The following LTBR variants were observed in gnomAD, a reference collection of about 807,000 sequenced individuals.
LTBR encodes the protein lymphotoxin beta receptor, also known as tumor necrosis factor receptor superfamily member 3.
A neutral mutation model predicts 45.4 loss-of-function variants in LTBR; 15 were observed. The observed-to-expected ratio is 0.33, with a 90% confidence interval of 0.22 to 0.51. The LOEUF (loss-of-function observed/expected upper bound fraction) is 0.51, where lower values mean the gene tolerates loss of function less well. Among genes scored for constraint, LTBR ranks in the 20% least tolerant of loss-of-function variants. The pLI, the probability that LTBR is intolerant of heterozygous loss-of-function variation, is 0.97. For missense variants in LTBR, 450 were observed against 565.5 expected (o/e 0.80, Z 2.07); for synonymous variants, 228 against 231.0 (o/e 0.99, Z 0.12).
upstream of LTBR, among the ~76,000 whole-genome samples, chr12:6,381,264 G>T (rs1272832636): frequency 1.3e-5 from 2 of 152,188 alleles, no homozygotes; most frequent in Admixed American, 1.3e-4. Context: ...GAGCCATTTG[G>T]CAGGAACTAA....
chr12:6,390,688 G>A lies in LTBR; in HGVS notation c.1059G>A (p.Gly353=). 1 of 1,499,100 alleles carries A rather than the reference G, an allele frequency of 6.7e-7. No individual in the cohort carries two copies. The highest frequency in any genetic ancestry group is 8.9e-7 in the Non-Finnish European group (1 of 1,124,554). The allele number at this position is 1,499,100 out of a possible 1,614,324, so 92.9% of individuals were successfully genotyped here. Reference sequence around the variant, plus strand: ...CCAATGGCATTCATGTCACCGGCGGGTCTATGACTATCACTGGCAACATCT... The same window carrying A: ...CCAATGGCATTCATGTCACCGGCGGATCTATGACTATCACTGGCAACATCT... ...HGTNGIHVTG[G]SMTITGNIYI... is the part of the protein sequence containing the mutation. Residue 353 remains glycine (G), a synonymous_variant, in exon 10 of 10, where the codon GGG becomes GGA. Transcript: ENST00000228918.
upstream of LTBR, among the ~76,000 whole-genome samples, chr12:6,380,404 G>A (rs942154453): frequency 5.9e-5 from 9 of 152,186 alleles, no homozygotes; most frequent in Admixed American, 4.6e-4. Context: ...TTCCTGGCCG[G>A]GTACAGTGGC....
At position 6,385,249 on chromosome 12, in the gene LTBR, C is replaced by T. The variant is rs1001758033; in HGVS notation, c.342C>T (p.Ala114=). The change falls in exon 4 of 10, where the codon GCC becomes GCT. Residue 114 remains alanine (A), a synonymous_variant. Transcript: ENST00000228918. ...CDPVMGLEEI[A]PCTSKRKTQC... ...CAGTGATGGGCCTCGAGGAGATTGC[C>T]CCCTGCACAAGCAAACGGAAGACCC... 1.9e-6 allele frequency: 3 copies of T among 1,613,978 alleles called. No individual in the cohort carries two copies. The highest frequency in any genetic ancestry group is 2.7e-5 in the African/African-American group (2 of 74,908).
At position 6,385,232 on chromosome 12, in the gene LTBR, G is replaced by T; in HGVS notation, c.325G>T (p.Gly109Cys). ...CCCTCCCGTCTCCCCGCCAGTGATG[G>T]GCCTCGAGGAGATTGCCCCCTGCAC... ...QLCRPCDPVM[G>C]LEEIAPCTSK... is the part of the protein sequence containing the mutation. Residue 109 changes from glycine to cysteine, a missense_variant, in exon 4 of 10, where the codon GGC becomes TGC. Physicochemically the swap from Gly to Cys is radical, Grantham distance 159. Around this residue, in one of 3 missense-constraint regions of LTBR, gnomAD observed 367 missense variants for 435.4 expected, o/e 0.84. Coordinates refer to ENST00000228918, the MANE Select transcript of LTBR (RefSeq NM_002342.3). 6.2e-7 allele frequency: 1 copy of T among 1,614,092 alleles called. No individual in the cohort carries two copies. The highest frequency in any genetic ancestry group is 8.5e-7 in the Non-Finnish European group (1 of 1,180,028).
At position 6,388,423 on chromosome 12, in the gene LTBR, G is replaced by A. The variant is rs926234857; in HGVS notation, c.693G>A (p.Leu231=). 1 of 1,613,710 alleles carries A rather than the reference G, an allele frequency of 6.2e-7. No individual in the cohort carries two copies. The highest frequency in any genetic ancestry group is 1.3e-5 in the African/African-American group (1 of 74,888). ...GAACCATGCTGATGCTGGCCGTTCT[G>A]CTGCCACTGGCCTTCTTTCTGCTCC... The part of the protein sequence containing the change: ...MSGTMLMLAV[L]LPLAFFLLLA... The change falls in exon 7 of 10, where the codon CTG becomes CTA. Residue 231 remains leucine, a synonymous_variant. Coordinates refer to ENST00000228918, the MANE Select transcript of LTBR (RefSeq NM_002342.3). The surrounding 1 kb of genome is among the most constrained non-coding windows in gnomAD (Gnocchi z 4.3).
intron 1 of LTBR, chr12:6,377,806 A>G: frequency 2.0e-6 from 1 of 509,358 alleles, no homozygotes; most frequent in South Asian, 1.5e-5. Flanking sequence ...CAGCATGGCA[A>G]ATAGTTTTCA....
chr12:6,385,499 C>T (rs1949029616), intron 4 of LTBR, 120 bp downstream of exon 4: 1 of 1,221,342 alleles, frequency 8.2e-7, no homozygotes, highest in South Asian at 1.5e-5. Flanking sequence ...CTTAAAATTC[C>T]TCTTCTCATT....
chr12:6,391,185 C>T lies in LTBR; in HGVS notation c.*248C>T, dbSNP rs149078929. On this transcript the variant is annotated 3_prime_UTR_variant, in exon 10 of 10. Transcript: ENST00000228918. ...GACCCACCCACCCCCTGGGGCTGCT[C>T]AGCCTCAGGCACGGACAGGGCACAT... 1.9e-3 allele frequency: 754 copies of T among 395,520 alleles called. 9 individuals are homozygous for T. The highest frequency in any genetic ancestry group is 0.013 in the African/African-American group (611 of 48,642). 24.5% of individuals were successfully genotyped at this position (395,520 alleles called of 1,614,324 possible). A position where few individuals can be genotyped will look rare whatever the true frequency, so the allele number is the denominator to read the frequency against.
chr12:6,382,629 A>C (rs1194934724), upstream of LTBR, among the ~76,000 whole-genome samples: 1 of 152,186 alleles, frequency 6.6e-6, no homozygotes, highest in East Asian at 1.9e-4. Flanking sequence ...AGCTGCCTGC[A>C]CCAGGTGAGG....
chr12:6,375,646 C>T lies in LTBR; in HGVS notation c.39+52C>T, dbSNP rs563337751. 42 of 1,483,708 alleles carry T rather than the reference C, an allele frequency of 2.8e-5. 1 individual carries two copies. The highest frequency in any genetic ancestry group is 2.3e-4 in the South Asian group (18 of 77,670). The allele number at this position is 1,483,708 out of a possible 1,614,324, so 91.9% of individuals were successfully genotyped here. ...GGAGGAGTCAGAGCCGGGAGTTTTC[C>T]GAAGGAAGGAGGGCTCCCGAGGGCA... On this transcript the variant is annotated intron_variant, in intron 1 of 9. Transcript: ENST00000539925.
At position 6,388,905 on chromosome 12, in the gene LTBR, T is replaced by C. The variant is rs1949079573; in HGVS notation, c.801+80T>C. ...AGGTGGAGCAGACAGGAAGAGAGTATGCAGGCTGACTCCACACTCATTCAT... is the reference window on the plus strand; with the variant it reads ...AGGTGGAGCAGACAGGAAGAGAGTACGCAGGCTGACTCCACACTCATTCAT... On this transcript the variant is annotated intron_variant, in intron 8 of 9. Coordinates refer to ENST00000228918, the MANE Select transcript of LTBR (RefSeq NM_002342.3). This position sits in a 1 kb window ranked among gnomAD's most constrained non-coding sequence, Gnocchi z 4.3. 5.2e-6 allele frequency: 8 copies of C among 1,535,610 alleles called. No homozygotes were observed. Among genetic ancestry groups the C allele is most frequent in the Non-Finnish European group, 7.2e-6 (8 of 1,110,760 alleles).
At chr12:6,389,906 A>G in intron 8 of LTBR, 1 of 576,438 alleles carries the variant, frequency 1.7e-6, no homozygotes, top group South Asian at 2.2e-5. Context: ...GCAGTGAGCT[A>G]TGATTGCACC....
At position 6,376,423 on chromosome 12, in the gene LTBR, C is replaced by T. The variant is rs16932569; in HGVS notation, c.39+829C>T. ...GGAATGTGGGCAACCAGAGGCAGCG[C>T]GAGGGCCACGCAGGACACTGTGGAC... On this transcript the variant is annotated intron_variant, in intron 1 of 9. Coordinates refer to the LTBR transcript ENST00000539925. 1.8e-3 allele frequency among the ~76,000 whole-genome samples: 277 copies of T among 152,278 alleles called. 6 individuals carry two copies. In the East Asian group the frequency reaches 0.038, roughly 21 times the overall value.
upstream of LTBR, among the ~76,000 whole-genome samples, chr12:6,383,677 A>G (rs1304915162): frequency 6.6e-6 from 1 of 152,128 alleles, no homozygotes; most frequent in Non-Finnish European, 1.5e-5. Context: ...CTGATTTGCT[A>G]GTCCCTTGTA....
chr12:6,384,582 T>A lies in LTBR; in HGVS notation c.97-6T>A. On this transcript the variant is annotated splice_polypyrimidine_tract_variant and splice_region_variant and intron_variant, in intron 1 of 9. Transcript: ENST00000228918. ...CTTCTCTCCTCTTCTCCATCTCCCT[T>A]TGAAGGTGCCTCCATATGCGTCGGA... is the stretch of plus-strand genomic sequence containing the variant. The A allele has an allele frequency of 6.2e-7, 1 of 1,613,740 alleles. No homozygotes were observed. The highest frequency in any genetic ancestry group is 8.5e-7 in the Non-Finnish European group (1 of 1,179,634).
chr12:6,377,662 C>T, intron 1 of LTBR: 1 of 1,304,420 alleles, frequency 7.7e-7, no homozygotes, highest in African/African-American at 1.5e-5. Context: ...GAGCCAGGTC[C>T]TTACATTGGG....
chr12:6,376,056 G>A (rs753850146), intron 1 of LTBR: 8 of 992,040 alleles, frequency 8.1e-6, no homozygotes, highest in Non-Finnish European at 8.4e-6. Context: ...TCCCAAGTGT[G>A]CTTCCAGGAG....
upstream of LTBR, among the ~76,000 whole-genome samples, chr12:6,383,048 A>G (rs1439533925): frequency 6.6e-6 from 1 of 152,198 alleles, no homozygotes; most frequent in African/African-American, 2.4e-5. Flanking sequence ...CATGGGGAAC[A>G]CAGACTTGAA....
upstream of LTBR, among the ~76,000 whole-genome samples, chr12:6,382,664 G>A (rs1364414670): frequency 6.6e-6 from 1 of 152,178 alleles, no homozygotes; most frequent in East Asian, 1.9e-4. Flanking sequence ...AGAGTGAAAT[G>A]CCTACAGCCT....
Sources: gnomAD v4.1 joint callset for allele counts (sites outside exome capture counted in the v4.1 genomes callset) on GRCh38, gnomAD v4.1.1 for gene constraint, gnomAD v4.1.1 regional missense constraint, Gnocchi (gnomAD v3.1) non-coding constraint, MANE v1.5 for transcripts, NCBI Gene and HGNC (gene_info 2026-07-23, HGNC 2026-07-21) for gene names.